The following TRABD2B variants were observed in gnomAD, a reference collection of about 807,000 sequenced individuals.
TRABD2B encodes TraB domain containing 2B.
In TRABD2B, 14 loss-of-function variants were observed where a neutral mutation model predicts 40.1. The ratio of observed to expected loss-of-function variants is 0.35; its 90% CI spans 0.23 to 0.55. TRABD2B has a LOEUF of 0.55. Among genes scored for constraint, TRABD2B ranks in the 20% least tolerant of loss-of-function variants. The pLI, the probability that TRABD2B is intolerant of heterozygous loss-of-function variation, is 0.90. For missense variants in TRABD2B, 541 were observed against 648.6 expected, an observed-to-expected ratio of 0.83 and a Z score of 1.80; for synonymous variants, 263 against 277.0, an observed-to-expected ratio of 0.95 and a Z score of 0.50.
chr1:47,923,751 C>G (rs1644932653), intron 2 of TRABD2B, among the ~76,000 whole-genome samples: 1 of 152,130 alleles, frequency 6.6e-6, no homozygotes, highest in African/African-American at 2.4e-5. Context: ...AGCCTGACCT[C>G]CCTCAAGGGA....
At chr1:47,832,331 CA>C (rs1044080717) in intron 2 of TRABD2B, among the ~76,000 whole-genome samples, 92 of 140,634 alleles carry the variant, frequency 6.5e-4, no homozygotes, top group Non-Finnish European at 6.1e-4. Flanking sequence ...GACTCCGTCT[CA>C]AAAAAAAAAA....
Position 47,996,728 on chromosome 1 carries a change from G to C in TRABD2B, c.62C>G (p.Pro21Arg). 8.1e-7 allele frequency: 1 copy of C among 1,227,398 alleles called. No homozygotes were observed. The highest frequency in any genetic ancestry group is 1.0e-6 in the Non-Finnish European group (1 of 984,326). 76.0% of individuals were successfully genotyped at this position (1,227,398 alleles called of 1,614,324 possible). Residue 21 changes from proline to arginine, a missense_variant, in exon 1 of 7, where the codon CCG becomes CGG. By Grantham distance (103) the Pro-to-Arg change is moderately radical. Coordinates refer to ENST00000606738, the MANE Select transcript of TRABD2B (RefSeq NM_001194986.2). This position sits in a 1 kb window ranked among gnomAD's most constrained non-coding sequence, Gnocchi z 4.6. ...GCACTGTCCTCCGTCCGGGGGCTGCGGGCGGGCGCGAGCGGTGGCGAGGAG... is the reference window on the plus strand; with the variant it reads ...GCACTGTCCTCCGTCCGGGGGCTGCCGGCGGGCGCGAGCGGTGGCGAGGAG... ...AALLATARAR[P>R]QPPDGGQCRP...
Position 47,763,019 on chromosome 1 carries a change from C to T in TRABD2B, c.*2883G>A, listed in dbSNP as rs1042085160. ...AACAGAAAAGTCTAAGAAGTGCACA[C>T]AAATTTCTCAGAGCAACAGGAGCAT... On this transcript the variant is annotated 3_prime_UTR_variant, in exon 7 of 7. Coordinates refer to ENST00000606738, the MANE Select transcript of TRABD2B (RefSeq NM_001194986.2). The T allele has an allele frequency of 3.3e-5, 5 of 152,226 alleles. No homozygotes were observed. The highest frequency in any genetic ancestry group is 7.3e-5 in the Non-Finnish European group (5 of 68,050). 9.4% of individuals were successfully genotyped at this position (152,226 alleles called of 1,614,324 possible).
intron 4 of TRABD2B, among the ~76,000 whole-genome samples, chr1:47,779,802 G>C (rs553998088): frequency 6.6e-6 from 1 of 152,294 alleles, no homozygotes; most frequent in South Asian, 2.1e-4. Flanking sequence ...GGAGATCCCT[G>C]CACTATTCCT....
intron 2 of TRABD2B, among the ~76,000 whole-genome samples, chr1:47,824,997 G>T (rs1645156413): frequency 6.6e-6 from 1 of 152,214 alleles, no homozygotes; most frequent in African/African-American, 2.4e-5. Flanking sequence ...CCTGCGACGA[G>T]GATGAACCGC....
intron 2 of TRABD2B, among the ~76,000 whole-genome samples, chr1:47,945,560 G>A (rs11578428): frequency 0.47 from 71,577 of 152,008 alleles, 18,385 homozygotes; most frequent in Middle Eastern, 0.62. Context: ...CAAAGAATTC[G>A]TGTCCCTCTG....
intron 6 of TRABD2B, among the ~76,000 whole-genome samples, chr1:47,771,156 CAGA>C (rs1470221182): frequency 6.6e-6 from 1 of 152,162 alleles, no homozygotes; most frequent in Admixed American, 6.5e-5. Context: ...CGAACCATCC[CAGA>C]AGGAGGACTG....
intron 2 of TRABD2B, among the ~76,000 whole-genome samples, chr1:47,829,657 C>T (rs534915739): frequency 6.6e-6 from 1 of 152,294 alleles, no homozygotes; most frequent in East Asian, 1.9e-4. Context: ...CTTCCTTATC[C>T]TGTCCCCTTC....
chr1:47,984,265 C>T (rs1645884782), intron 2 of TRABD2B, among the ~76,000 whole-genome samples: 1 of 152,258 alleles, frequency 6.6e-6, no homozygotes, highest in African/African-American at 2.4e-5. Flanking sequence ...CGCCTCGCCC[C>T]GAGGTGCCTG....
intron 2 of TRABD2B, among the ~76,000 whole-genome samples, chr1:47,957,441 A>G (rs1645440847): frequency 6.6e-6 from 1 of 152,226 alleles, no homozygotes; most frequent in Non-Finnish European, 1.5e-5. Context: ...GATTCAATCC[A>G]TCACAAAAAA....
chr1:47,979,268 C>T (rs1645806178), intron 2 of TRABD2B, among the ~76,000 whole-genome samples: 1 of 152,206 alleles, frequency 6.6e-6, no homozygotes, highest in African/African-American at 2.4e-5. Context: ...TACAGCTACA[C>T]ACAGGGTCCC....
intron 2 of TRABD2B, among the ~76,000 whole-genome samples, chr1:47,989,865 A>G (rs1645975910): frequency 6.6e-6 from 1 of 152,202 alleles, no homozygotes; most frequent in South Asian, 2.1e-4. Flanking sequence ...GTGGTAATGG[A>G]CTCACCTGAG....
At chr1:47,825,904 C>G (rs931224395) in intron 2 of TRABD2B, among the ~76,000 whole-genome samples, 1 of 152,200 alleles carries the variant, frequency 6.6e-6, no homozygotes, top group Non-Finnish European at 1.5e-5. Flanking sequence ...CTGTGTGGAA[C>G]TGGGCAAGTC....
At chr1:47,978,243 G>A (rs867712829) in intron 2 of TRABD2B, among the ~76,000 whole-genome samples, 2 of 152,136 alleles carry the variant, frequency 1.3e-5, no homozygotes, top group South Asian at 2.1e-4. Context: ...CACCATCCGT[G>A]AACCAGAAAG....
chr1:47,850,790 C>T (rs1645539310), intron 2 of TRABD2B, among the ~76,000 whole-genome samples: 1 of 152,178 alleles, frequency 6.6e-6, no homozygotes, highest in Admixed American at 6.5e-5. Flanking sequence ...ATCAGTGGTC[C>T]CCAACCTTTT....
chr1:47,775,579 GC>G, intron 5 of TRABD2B, 140 bp from the exon 6 acceptor site: 2 of 887,500 alleles, frequency 2.3e-6, no homozygotes, highest in Non-Finnish European at 3.0e-6. Context: ...GGTGACAGCA[GC>G]CCAGGAAAAC....
At chr1:47,865,020 T>G (rs1570155604) in intron 2 of TRABD2B, among the ~76,000 whole-genome samples, 3 of 132,578 alleles carry the variant, frequency 2.3e-5, no homozygotes, top group Middle Eastern at 3.6e-3. Flanking sequence ...ATCATGGGGG[T>G]TGGGGTGGGG....
At position 47,955,895 on chromosome 1, in the gene TRABD2B, C is replaced by T. The variant is rs542819454; in HGVS notation, c.666+38139G>A. ...CTACCACAGATTTCAGTTATACCTG[C>T]AAGGAACTCTAAGCAGCCTGTACCT... On this transcript the variant is annotated intron_variant, in intron 2 of 6. Coordinates refer to ENST00000606738, the MANE Select transcript of TRABD2B (RefSeq NM_001194986.2). Among the ~76,000 whole-genome samples the T allele has an allele frequency of 3.3e-5, 5 of 152,278 alleles. No individual in the cohort carries two copies. The South Asian group carries it at 1.0e-3, about 32-fold the overall frequency.
intron 2 of TRABD2B, among the ~76,000 whole-genome samples, chr1:47,993,088 T>C (rs1646035969): frequency 6.6e-6 from 1 of 152,252 alleles, no homozygotes; most frequent in African/African-American, 2.4e-5. Context: ...TTTATGAGGC[T>C]GTCTCCTTAA....
Sources: allele counts gnomAD v4.1 joint callset (sites outside exome capture counted in the v4.1 genomes callset), GRCh38; gene constraint gnomAD v4.1.1; non-coding constraint Gnocchi (gnomAD v3.1); transcripts MANE v1.5; gene names NCBI Gene and HGNC (gene_info 2026-07-23, HGNC 2026-07-21).